The following CCDC88C variants were observed in gnomAD, a reference collection of about 807,000 sequenced individuals.
CCDC88C encodes the protein coiled-coil and HOOK domain protein 88C.
In CCDC88C, 131 loss-of-function variants were observed where a neutral mutation model predicts 198.8. The ratio of observed to expected loss-of-function variants is 0.66; its 90% CI spans 0.57 to 0.76. CCDC88C has a LOEUF of 0.76. Ranked by LOEUF, CCDC88C falls within the 30% of genes least tolerant of loss-of-function variation. The pLI, the probability that CCDC88C is intolerant of heterozygous loss-of-function variation, is 0.00. For missense variants in CCDC88C, 2,553 were observed against 2,631.6 expected, an observed-to-expected ratio of 0.97 and a Z score of 0.65; for synonymous variants, 1,166 against 1,114.7, an observed-to-expected ratio of 1.05 and a Z score of -0.92.
intron 3 of CCDC88C, among the ~76,000 whole-genome samples, chr14:91,363,230 C>A (rs1426840438): frequency 1.3e-5 from 2 of 151,474 alleles, no homozygotes; most frequent in East Asian, 3.9e-4. Context: ...CCAATATAAC[C>A]AAAATATAAT....
At chr14:91,396,587 C>T (rs1194036095) in intron 3 of CCDC88C, among the ~76,000 whole-genome samples, 3 of 152,280 alleles carry the variant, frequency 2.0e-5, no homozygotes, top group Admixed American at 6.5e-5. Flanking sequence ...ACAGCTCACT[C>T]GCGGCTTCTG....
In CCDC88C at chr14:91,352,574, G is replaced by A. The variant is rs1437992524; in HGVS notation, c.340+7068C>T. Among the ~76,000 whole-genome samples the A allele has an allele frequency of 6.6e-6, 1 of 152,184 alleles. No homozygotes were observed. Among genetic ancestry groups the A allele is most frequent in the Non-Finnish European group, 1.5e-5 (1 of 68,028 alleles). ...AACAATCAAAATGCCTGCAAGATTA[G>A]CTTTTTCTTATTTCTTCCCTCCCAT... On this transcript the variant is annotated intron_variant, in intron 4 of 29. Coordinates refer to ENST00000389857, the MANE Select transcript of CCDC88C (RefSeq NM_001080414.4). The surrounding 1 kb of genome is among the most constrained non-coding windows in gnomAD (Gnocchi z 4.2).
chr14:91,379,591 G>A (rs577160710), intron 3 of CCDC88C: 10 of 563,028 alleles, frequency 1.8e-5, no homozygotes, highest in Admixed American at 9.6e-5. Context: ...GGGATCACAC[G>A]AGCAGAAGTG....
chr14:91,348,212 G>T (rs1292526161), intron 4 of CCDC88C, among the ~76,000 whole-genome samples: 2 of 151,788 alleles, frequency 1.3e-5, no homozygotes, highest in Non-Finnish European at 2.9e-5. Flanking sequence ...CACCATGTTG[G>T]CCAGGCTTGT....
At chr14:91,391,283 G>A (rs1448703758) in intron 3 of CCDC88C, among the ~76,000 whole-genome samples, 3 of 151,604 alleles carry the variant, frequency 2.0e-5, no homozygotes, top group East Asian at 1.9e-4. Context: ...CTGGGTGCCC[G>A]TTTTTAATTG....
At chr14:91,294,417 G>T in intron 22 of CCDC88C, 99 bp from the exon 23 acceptor site, 2 of 1,364,932 alleles carry the variant, frequency 1.5e-6, no homozygotes, top group Non-Finnish European at 1.0e-6. Context: ...GCACAAAGAT[G>T]TTCAACGCAG....
At position 91,279,267 on chromosome 14, in the gene CCDC88C, G is replaced by A. The variant is rs757924740; in HGVS notation, c.4739C>T (p.Ser1580Phe). 1 of 1,602,582 alleles carries A rather than the reference G, an allele frequency of 6.2e-7. No homozygotes were observed. Among genetic ancestry groups the A allele is most frequent in the South Asian group, 1.1e-5 (1 of 88,952 alleles). ...PSSLESSRNT[S>F]SNSSPLNLKG... The stretch of plus-strand genomic sequence containing the variant: ...TAGGTTAAGAGGTGAGCTGTTGCTG[G>A]ATGTGTTTCTACTGCTCTCTAAGCT... Residue 1580 changes from serine to phenylalanine, a missense_variant, in exon 28 of 30, where the codon TCC becomes TTC. This residue lies in a region of CCDC88C where 1,293 missense variants were observed against 1,219.6 expected (regional missense o/e 1.06). Coordinates refer to ENST00000389857, the MANE Select transcript of CCDC88C (RefSeq NM_001080414.4).
chr14:91,413,152 G>A (rs530688605), intron 2 of CCDC88C, among the ~76,000 whole-genome samples: 16 of 152,232 alleles, frequency 1.1e-4, no homozygotes, highest in African/African-American at 3.6e-4. Flanking sequence ...TAGCCACTGC[G>A]TCAAACCGGA....
At chr14:91,373,888 C>CA in intron 3 of CCDC88C, among the ~76,000 whole-genome samples, 1 of 152,358 alleles carries the variant, frequency 6.6e-6, no homozygotes, top group Non-Finnish European at 1.5e-5. Context: ...TGTCCAGCCA[C>CA]ACTTGCCTCC....
chr14:91,305,900 C>G lies in CCDC88C; in HGVS notation c.3222G>C (p.Gln1074His). ...GGTGCTGCAGCTGTTCCTTTAGCAG[C>G]TGCTTCTCAGCCTGCAGAGCTGCAT... ...RNNAALQAEK[Q>H]LLKEQLQHLE... The change falls in exon 19 of 30, where the codon CAG becomes CAC. Residue 1074 changes from glutamine to histidine, a missense_variant. Gln to His is a conservative substitution (Grantham distance 24, BLOSUM62 0). Coordinates refer to ENST00000389857, the MANE Select transcript of CCDC88C (RefSeq NM_001080414.4). 6.2e-7 allele frequency: 1 copy of G among 1,613,752 alleles called. No homozygotes were observed. Among genetic ancestry groups the G allele is most frequent in the Non-Finnish European group, 8.5e-7 (1 of 1,179,894 alleles).
At position 91,303,968 on chromosome 14, in the gene CCDC88C, G is replaced by C; in HGVS notation, c.3368C>G (p.Ser1123Cys). 6.2e-7 allele frequency: 1 copy of C among 1,601,832 alleles called. No homozygotes were observed. Among genetic ancestry groups the C allele is most frequent in the South Asian group, 1.1e-5 (1 of 91,028 alleles). ...TQTAKLQVEN[S>C]TLSSQSAALT... is the part of the protein sequence containing the mutation. ...CGCTGCGCTCTGGGAACTCAGCGTG[G>C]AGTTCTCCACCTGCCGAGAGGGAGA... Residue 1123 changes from serine to cysteine, a missense_variant, in exon 20 of 30, where the codon TCC (serine) becomes TGC (cysteine). Around this residue, in one of 2 missense-constraint regions of CCDC88C, gnomAD observed 1,293 missense variants for 1,219.6 expected, o/e 1.06. Transcript: ENST00000389857.
At chr14:91,369,307 A>G (rs1364366880) in intron 3 of CCDC88C, among the ~76,000 whole-genome samples, 1 of 152,148 alleles carries the variant, frequency 6.6e-6, no homozygotes, top group Non-Finnish European at 1.5e-5. Flanking sequence ...CCTGGGTTCA[A>G]GCAATTCTCC....
At chr14:91,366,619 T>C (rs987818916) in intron 3 of CCDC88C, among the ~76,000 whole-genome samples, 4 of 152,268 alleles carry the variant, frequency 2.6e-5, no homozygotes, top group Admixed American at 2.0e-4. Context: ...ATGAAGTAGA[T>C]TGCCATTTTA....
At chr14:91,279,118 T>C in intron 28 of CCDC88C, 120 bp downstream of exon 28, 2 of 786,026 alleles carry the variant, frequency 2.5e-6, no homozygotes, top group South Asian at 3.0e-5. Flanking sequence ...CAGGCTGGTT[T>C]CTAACTCCTG....
chr14:91,342,487 T>C (rs1893353287), intron 5 of CCDC88C, 24 bp from the exon 6 acceptor site: 4 of 1,477,728 alleles, frequency 2.7e-6, no homozygotes, highest in East Asian at 2.4e-5. Flanking sequence ...CATGTGTTAA[T>C]GGAAGCGCTG....
chr14:91,278,941 T>C (rs1019566308), intron 28 of CCDC88C, among the ~76,000 whole-genome samples: 3 of 146,704 alleles, frequency 2.0e-5, no homozygotes, highest in Admixed American at 1.4e-4. Context: ...CACTTCTGTT[T>C]TTCAGGCTGG....
chr14:91,282,930 T>C (rs550764709), intron 26 of CCDC88C, among the ~76,000 whole-genome samples: 1 of 152,280 alleles, frequency 6.6e-6, no homozygotes, highest in African/African-American at 2.4e-5. Flanking sequence ...CACACACTAA[T>C]TTAAAATATA....
intron 10 of CCDC88C, among the ~76,000 whole-genome samples, chr14:91,332,028 A>G (rs112192312): frequency 3.3e-5 from 5 of 150,174 alleles, no homozygotes; most frequent in African/African-American, 1.2e-4. Flanking sequence ...TCTGCCCCTG[A>G]GTGCAGACTC....
In CCDC88C at chr14:91,296,847, T is replaced by C. The variant is rs191778070; in HGVS notation, c.3966+458A>G. Among the ~76,000 whole-genome samples, 89 of 152,170 alleles carry C rather than the reference T, an allele frequency of 5.8e-4. 1 individual carries two copies. Among genetic ancestry groups the C allele is most frequent in the African/African-American group, 2.0e-3 (82 of 41,518 alleles). On this transcript the variant is annotated intron_variant, in intron 22 of 29. Transcript: ENST00000389857. ...CTCATCTGGAGAGGGTCTTGCTGCG[T>C]GAGGCCATTTCCAACCTTGTGTACT...
Sources: allele counts gnomAD v4.1 joint callset (sites outside exome capture counted in the v4.1 genomes callset), GRCh38; gene constraint gnomAD v4.1.1; regional missense constraint gnomAD v4.1.1; non-coding constraint Gnocchi (gnomAD v3.1); transcripts MANE v1.5; gene names NCBI Gene and HGNC (gene_info 2026-07-23, HGNC 2026-07-21).